The following ANK3 variants were observed in gnomAD, a reference collection of about 807,000 sequenced individuals.
ANK3 encodes ankyrin 3.
Under a neutral mutation model 370.9 loss-of-function variants are expected in ANK3, and 57 were observed. That is an observed-to-expected ratio of 0.15 (90% CI 0.12 to 0.19). ANK3 has a LOEUF of 0.19. ANK3 is among the 10% of genes least tolerant of loss of function. The probability of loss-of-function intolerance (pLI) is 1.00; values close to 1 mark genes in which losing one functional copy is unlikely to be tolerated. For synonymous variants in ANK3, 1,929 were observed against 1,946.3 expected (o/e 0.99, Z 0.23); for missense variants, 4,439 against 5,302.1 (o/e 0.84, Z 5.06).
chr10:60,199,010 C>T (rs1485999041), intron 13 of ANK3, among the ~76,000 whole-genome samples: 2 of 152,128 alleles, frequency 1.3e-5, no homozygotes, highest in Non-Finnish European at 2.9e-5. Flanking sequence ...CGCAGTATAC[C>T]TGTGCAAAGG....
intron 2 of ANK3, among the ~76,000 whole-genome samples, chr10:60,524,092 A>G (rs2076413302): frequency 6.6e-6 from 1 of 152,022 alleles, no homozygotes; most frequent in Admixed American, 6.6e-5. Flanking sequence ...CACCACTACC[A>G]TCTAAGTTAT....
At chr10:60,107,794 T>C (rs1326847963) in intron 27 of ANK3, among the ~76,000 whole-genome samples, 1 of 152,092 alleles carries the variant, frequency 6.6e-6, no homozygotes, top group East Asian at 1.9e-4. Context: ...CAGGTGTACA[T>C]ACATGTAATT....
At chr10:60,261,808 A>G in intron 7 of ANK3, 51 bp downstream of exon 7, 2 of 1,517,212 alleles carry the variant, frequency 1.3e-6, no homozygotes, top group Non-Finnish European at 9.1e-7. Context: ...GAAAGAGAGT[A>G]TAAAATAGTT....
intron 1 of ANK3, among the ~76,000 whole-genome samples, chr10:60,644,413 A>G (rs74155641): frequency 0.013 from 1,985 of 152,332 alleles, 44 homozygotes; most frequent in African/African-American, 0.045. Flanking sequence ...AGATTCATGA[A>G]GATTTTTCCT....
intron 34 of ANK3, 171 bp downstream of exon 34, chr10:60,082,444 T>G: frequency 2.2e-6 from 2 of 917,878 alleles, no homozygotes; most frequent in Non-Finnish European, 1.6e-6. Context: ...TCATACAAAC[T>G]ATAAGAATTT....
Position 60,058,164 on chromosome 10 carries a change from T to C in ANK3, c.12686+1176A>G, listed in dbSNP as rs1013988203. Among the ~76,000 whole-genome samples, 8 of 152,346 alleles carry C rather than the reference T, an allele frequency of 5.3e-5. No homozygotes were observed. The East Asian group carries it at 1.5e-3, about 29-fold the overall frequency. ...GATACATCCTCTCTTTTTCTATCTA[T>C]AAATCTGTTTAAGGAAGGTAGTAGT... On this transcript the variant is annotated intron_variant, in intron 41 of 43. Transcript: ENST00000280772.
intron 2 of ANK3, among the ~76,000 whole-genome samples, chr10:60,457,051 A>G (rs2064766070): frequency 6.6e-6 from 1 of 152,112 alleles, no homozygotes; most frequent in Non-Finnish European, 1.5e-5. Context: ...GAGTCAATCT[A>G]AGGAAGGGGC....
At chr10:60,099,050 T>C (rs2090691299) in intron 28 of ANK3, among the ~76,000 whole-genome samples, 1 of 152,194 alleles carries the variant, frequency 6.6e-6, no homozygotes, top group Non-Finnish European at 1.5e-5. Flanking sequence ...CAGGGACAAA[T>C]GTGACCATTT....
At chr10:60,425,798 G>A (rs2063873323) in intron 2 of ANK3, among the ~76,000 whole-genome samples, 1 of 152,096 alleles carries the variant, frequency 6.6e-6, no homozygotes, top group South Asian at 2.1e-4. Flanking sequence ...AGTTCAAATA[G>A]GCTTAGAGAT....
chr10:60,573,467 C>T (rs2077642226), intron 2 of ANK3, among the ~76,000 whole-genome samples: 1 of 152,170 alleles, frequency 6.6e-6, no homozygotes, highest in Admixed American at 6.5e-5. Context: ...TGCTTCTTGA[C>T]TGTGTTTAGG....
intron 19 of ANK3, 35 bp downstream of exon 19, chr10:60,173,053 T>A: frequency 1.2e-6 from 2 of 1,610,180 alleles, no homozygotes; most frequent in Non-Finnish European, 1.7e-6. Flanking sequence ...CAAAAATAAA[T>A]GATTCTGGCA....
chr10:60,335,396 G>C (rs889528103), intron 1 of ANK3, among the ~76,000 whole-genome samples: 6 of 151,274 alleles, frequency 4.0e-5, no homozygotes, highest in African/African-American at 1.5e-4. Flanking sequence ...ATTTTTTTCT[G>C]GTAGGCTTTA....
At chr10:60,472,391 C>T (rs2065240416) in intron 2 of ANK3, among the ~76,000 whole-genome samples, 1 of 152,134 alleles carries the variant, frequency 6.6e-6, no homozygotes, top group African/African-American at 2.4e-5. Flanking sequence ...TAAGCCATCA[C>T]AAAACACTGT....
intron 1 of ANK3, among the ~76,000 whole-genome samples, chr10:60,616,416 A>G (rs2078268514): frequency 6.6e-6 from 1 of 152,178 alleles, no homozygotes. Context: ...TTCTCTTTCA[A>G]TACACACAGT....
At chr10:60,187,134 A>ATTTAT (rs141378213) in intron 16 of ANK3, among the ~76,000 whole-genome samples, 41,047 of 144,662 alleles carry the variant, frequency 0.28, 6,296 homozygotes, top group East Asian at 0.41. Flanking sequence ...TGGACATTTT[A>ATTTAT]TTTATTTTAT....
rs1204370007 is a variant in ANK3 at position 60,072,546 on chromosome 10, A to C, written c.8335T>G (p.Ser2779Ala). ...AATACCATAAAATCTTTTTGCACAG[A>C]TACACTTTCATCTGGGAGGTCTATG... ...KAIDLPDESV[S>A]VQKDFMVLKT... Residue 2779 changes from serine to alanine, a missense_variant, in exon 37 of 44, where the codon TCT becomes GCT. Coordinates refer to ENST00000280772, the MANE Select transcript of ANK3 (RefSeq NM_020987.5). The C allele has an allele frequency of 6.2e-7, 1 of 1,613,316 alleles. No individual in the cohort carries two copies. Among genetic ancestry groups the C allele is most frequent in the Non-Finnish European group, 8.5e-7 (1 of 1,179,830 alleles).
At chr10:60,239,342 G>A (rs541981989) in intron 7 of ANK3, among the ~76,000 whole-genome samples, 108 of 151,960 alleles carry the variant, frequency 7.1e-4, no homozygotes, top group Admixed American at 7.0e-3. Flanking sequence ...AGACACAATA[G>A]TCAAATTGCT....
intron 8 of ANK3, among the ~76,000 whole-genome samples, chr10:60,216,847 C>A (rs1391157015): frequency 1.3e-5 from 2 of 152,070 alleles, no homozygotes; most frequent in Non-Finnish European, 2.9e-5. Context: ...ATGGTACTAG[C>A]TCCTCTTTGT....
intron 1 of ANK3, among the ~76,000 whole-genome samples, chr10:60,387,995 G>T (rs1380538592): frequency 1.3e-5 from 2 of 152,024 alleles, no homozygotes; most frequent in Non-Finnish European, 2.9e-5. Context: ...CACGGTGGGG[G>T]TAGGCAGAGA....
Sources: gnomAD v4.1 joint callset for allele counts (sites outside exome capture counted in the v4.1 genomes callset) on GRCh38, gnomAD v4.1.1 for gene constraint, MANE v1.5 for transcripts, NCBI Gene and HGNC (gene_info 2026-07-23, HGNC 2026-07-21) for gene names.